Variants in TRDN observed in about 807,000 individuals in gnomAD.
TRDN encodes triadin in skeletal muscle.
In TRDN, 161 loss-of-function variants were observed where a neutral mutation model predicts 149.7. The ratio of observed to expected loss-of-function variants is 1.08; its 90% CI spans 0.95 to 1.23. The LOEUF is 1.23. Among genes scored for constraint, TRDN ranks in the 50% most tolerant of loss-of-function variants. The probability of loss-of-function intolerance (pLI) is 0.00; values close to 1 mark genes in which losing one functional copy is unlikely to be tolerated. For missense variants in TRDN, 896 were observed against 823.5 expected (o/e 1.09, Z -1.08); for synonymous variants, 294 against 250.5 (o/e 1.17, Z -1.64).
chr6:123,479,374 A>G (rs1777643590), intron 9 of TRDN, among the ~76,000 whole-genome samples: 1 of 152,210 alleles, frequency 6.6e-6, no homozygotes, highest in Non-Finnish European at 1.5e-5. Context: ...AAGATGAAGA[A>G]AGATAGCTTC....
chr6:123,443,737 T>C (rs1298306332), intron 10 of TRDN, among the ~76,000 whole-genome samples: 2 of 149,782 alleles, frequency 1.3e-5, no homozygotes, highest in Non-Finnish European at 1.5e-5. Flanking sequence ...TTTCTACATA[T>C]GGCTAGCCAG....
intron 21 of TRDN, chr6:123,350,319 T>A: frequency 1.1e-6 from 1 of 950,718 alleles, no homozygotes; most frequent in Non-Finnish European, 1.3e-6. Context: ...AGTCCAGAGA[T>A]TCAATATGCA....
At chr6:123,541,850 G>A (rs977855066) in intron 4 of TRDN, among the ~76,000 whole-genome samples, 1 of 152,090 alleles carries the variant, frequency 6.6e-6, no homozygotes, top group Non-Finnish European at 1.5e-5. Flanking sequence ...CACTGAATCT[G>A]CTGGCAAAGA....
intron 23 of TRDN, among the ~76,000 whole-genome samples, chr6:123,322,665 C>T (rs1165394757): frequency 1.4e-5 from 2 of 144,934 alleles, no homozygotes; most frequent in African/African-American, 5.0e-5. Flanking sequence ...ATTTTTGAGA[C>T]GGAGTCTCAC....
At chr6:123,465,396 T>C (rs1007034061) in intron 9 of TRDN, among the ~76,000 whole-genome samples, 2 of 152,012 alleles carry the variant, frequency 1.3e-5, no homozygotes, top group African/African-American at 2.4e-5. Context: ...AATTCTCAAA[T>C]GATATAATAT....
intron 20 of TRDN, among the ~76,000 whole-genome samples, chr6:123,359,293 A>G (rs1780807571): frequency 6.6e-6 from 1 of 152,250 alleles, no homozygotes; most frequent in South Asian, 2.1e-4. Flanking sequence ...GTTGTAGCAT[A>G]GAAAACAAGG....
At chr6:123,283,236 C>G (rs1777645758) in intron 24 of TRDN, among the ~76,000 whole-genome samples, 1 of 151,754 alleles carries the variant, frequency 6.6e-6, no homozygotes, top group Admixed American at 6.6e-5. Context: ...ACAATGAAAT[C>G]AAGATGGACA....
chr6:123,594,088 T>C (rs1285986874), intron 1 of TRDN, among the ~76,000 whole-genome samples: 1 of 152,160 alleles, frequency 6.6e-6, no homozygotes, highest in Non-Finnish European at 1.5e-5. Context: ...TATGCATGTG[T>C]GCACATACAT....
intron 10 of TRDN, among the ~76,000 whole-genome samples, chr6:123,446,369 T>C (rs1308698443): frequency 6.6e-6 from 1 of 151,892 alleles, no homozygotes; most frequent in African/African-American, 2.4e-5. Flanking sequence ...ACGTGTACCC[T>C]AAAACTTAAA....
chr6:123,397,041 A>G (rs1236692325), intron 12 of TRDN, among the ~76,000 whole-genome samples: 1 of 131,012 alleles, frequency 7.6e-6, no homozygotes, highest in Non-Finnish European at 1.6e-5. Context: ...GCATTCTCCC[A>G]TCTCTGAAAA....
chr6:123,563,725 A>G (rs1299048414), intron 2 of TRDN, among the ~76,000 whole-genome samples: 1 of 152,236 alleles, frequency 6.6e-6, no homozygotes, highest in Non-Finnish European at 1.5e-5. Context: ...AGCAATTAAC[A>G]TATTCTGACT....
At position 123,512,331 on chromosome 6, in the gene TRDN, T is replaced by C; in HGVS notation, c.582A>G (p.Glu194=). 6.6e-7 allele frequency: 1 copy of C among 1,504,338 alleles called. No individual in the cohort carries two copies. The highest frequency in any genetic ancestry group is 9.1e-7 in the Non-Finnish European group (1 of 1,095,546). The allele number at this position is 1,504,338 out of a possible 1,614,324, so 93.2% of individuals were successfully genotyped here. Reference sequence around the variant, plus strand: ...TCGCCAGTGTCTTTGTTTCTGGTTTTTCTTTTTTCTCAATTTTTTCCTTGT... The same window carrying C: ...TCGCCAGTGTCTTTGTTTCTGGTTTCTCTTTTTTCTCAATTTTTTCCTTGT... ...ATHKEKIEKK[E]KPETKTLAKE... The change falls in exon 7 of 41, where the codon GAA becomes GAG. Residue 194 remains glutamate (E), a synonymous_variant. Coordinates refer to ENST00000334268, the MANE Select transcript of TRDN (RefSeq NM_006073.4).
intron 1 of TRDN, among the ~76,000 whole-genome samples, chr6:123,628,091 T>C (rs967193088): frequency 6.6e-6 from 1 of 152,232 alleles, no homozygotes; most frequent in African/African-American, 2.4e-5. Context: ...GCACTTTTAA[T>C]TTCCTTCAAG....
chr6:123,385,169 T>C (rs1274420206), intron 14 of TRDN, among the ~76,000 whole-genome samples: 2 of 152,288 alleles, frequency 1.3e-5, no homozygotes, highest in Non-Finnish European at 2.9e-5. Context: ...GGCTCATGCC[T>C]GTAATCCCAG....
chr6:123,311,511 A>G (rs915208915), intron 24 of TRDN, among the ~76,000 whole-genome samples: 1 of 151,948 alleles, frequency 6.6e-6, no homozygotes, highest in Non-Finnish European at 1.5e-5. Flanking sequence ...TCTCTTAATA[A>G]TTGAATAATG....
intron 16 of TRDN, among the ~76,000 whole-genome samples, chr6:123,379,914 G>A (rs1265905385): frequency 6.6e-6 from 1 of 152,132 alleles, no homozygotes; most frequent in East Asian, 1.9e-4. Flanking sequence ...TCTGAAAAGT[G>A]AACAACCTTT....
At chr6:123,512,161 T>C in intron 7 of TRDN, 142 bp downstream of exon 7, 1 of 513,366 alleles carries the variant, frequency 1.9e-6, no homozygotes, top group East Asian at 3.2e-5. Flanking sequence ...TTCTTTTAGA[T>C]ATTAAATTTT....
In TRDN at chr6:123,378,501, G is replaced by GT. The variant is rs1781596018; in HGVS notation, c.1187-604_1187-603insA. On this transcript the variant is annotated intron_variant, in intron 16 of 40. Coordinates refer to ENST00000334268, the MANE Select transcript of TRDN (RefSeq NM_006073.4). Reference sequence around the variant, plus strand: ...GTGTGTGTGTGTGTGTGTGTGTGTGGAGACAAAGTCTCACCATGTTGCCCA... The same window carrying GT: ...GTGTGTGTGTGTGTGTGTGTGTGTGGTAGACAAAGTCTCACCATGTTGCCCA... Among the ~76,000 whole-genome samples the GT allele has an allele frequency of 2.9e-5, 4 of 139,178 alleles. No individual in the cohort carries two copies. In the South Asian group the frequency reaches 7.2e-4, roughly 25 times the overall value. The allele number at this position is 139,178 out of a possible 152,430, so 91.3% of individuals were successfully genotyped here. A position where few individuals can be genotyped will look rare whatever the true frequency, so the allele number is the denominator to read the frequency against.
At chr6:123,337,801 T>C (rs1353421057) in intron 21 of TRDN, 132 bp from the exon 22 acceptor site, 6 of 513,502 alleles carry the variant, frequency 1.2e-5, no homozygotes, top group Non-Finnish European at 2.1e-5. Context: ...AATACAAATG[T>C]CTCCAGGCAT....
Sources: gnomAD v4.1 joint callset for allele counts (sites outside exome capture counted in the v4.1 genomes callset) on GRCh38, gnomAD v4.1.1 for gene constraint, MANE v1.5 for transcripts, NCBI Gene and HGNC (gene_info 2026-07-23, HGNC 2026-07-21) for gene names.